The following GABBR2 variants were observed in gnomAD, a reference collection of about 807,000 sequenced individuals.
GABBR2 encodes the protein G-protein coupled receptor 51.
Under a neutral mutation model 105.6 loss-of-function variants are expected in GABBR2, and 23 were observed. That is an observed-to-expected ratio of 0.22 (90% CI 0.16 to 0.31). The LOEUF (loss-of-function observed/expected upper bound fraction) is 0.31. Among genes scored for constraint, GABBR2 ranks in the 10% least tolerant of loss-of-function variants. The probability of loss-of-function intolerance (pLI) is 1.00; values close to 1 mark genes in which losing one functional copy is unlikely to be tolerated. For missense variants in GABBR2, 734 were observed against 1,245.5 expected (o/e 0.59, Z 6.18); for synonymous variants, 478 against 499.7 (o/e 0.96, Z 0.58).
intron 7 of GABBR2, among the ~76,000 whole-genome samples, chr9:98,440,046 C>A (rs111830111): frequency 2.5e-4 from 38 of 152,172 alleles, no homozygotes; most frequent in Non-Finnish European, 4.7e-4. Flanking sequence ...TGCGAATTAC[C>A]CTCCACCATG....
At chr9:98,410,192 A>C (rs1325472194) in intron 7 of GABBR2, among the ~76,000 whole-genome samples, 3 of 151,778 alleles carry the variant, frequency 2.0e-5, no homozygotes, top group Admixed American at 6.5e-5. Flanking sequence ...GTAGAGATAA[A>C]TATCATGACT....
At chr9:98,506,855 C>T (rs1006935444) in intron 3 of GABBR2, among the ~76,000 whole-genome samples, 7 of 152,182 alleles carry the variant, frequency 4.6e-5, no homozygotes, top group Non-Finnish European at 8.8e-5. Flanking sequence ...GGTAGAGCTA[C>T]AGGCCCTCAC....
intron 1 of GABBR2, among the ~76,000 whole-genome samples, chr9:98,592,615 T>C (rs1829162308): frequency 6.6e-6 from 1 of 152,172 alleles, no homozygotes. Flanking sequence ...AATAAGGCCA[T>C]CTCTTTAGAG....
chr9:98,369,416 C>CTTTT (rs1415431630), intron 12 of GABBR2, among the ~76,000 whole-genome samples: 2 of 151,796 alleles, frequency 1.3e-5, no homozygotes, highest in Non-Finnish European at 2.9e-5. Flanking sequence ...GGGTGGGGGG[C>CTTTT]CTGAGGAGTG....
chr9:98,486,861 G>C (rs897784258), intron 4 of GABBR2, among the ~76,000 whole-genome samples: 39 of 152,200 alleles, frequency 2.6e-4, no homozygotes, highest in African/African-American at 7.5e-4. Context: ...TCCTGGCTCT[G>C]ACAAACTGAT....
intron 3 of GABBR2, among the ~76,000 whole-genome samples, chr9:98,512,769 T>C (rs1213414841): frequency 6.6e-6 from 1 of 152,158 alleles, no homozygotes; most frequent in Non-Finnish European, 1.5e-5. Context: ...TACAAACAAA[T>C]GGAAGAACAT....
chr9:98,297,796 C>T (rs1012822958), intron 17 of GABBR2, among the ~76,000 whole-genome samples: 1 of 147,364 alleles, frequency 6.8e-6, no homozygotes, highest in Non-Finnish European at 1.5e-5. Flanking sequence ...CTGAGGCAGG[C>T]GAATCACTTG....
chr9:98,519,002 C>T (rs1213084813), intron 3 of GABBR2, among the ~76,000 whole-genome samples: 1 of 152,180 alleles, frequency 6.6e-6, no homozygotes, highest in African/African-American at 2.4e-5. Flanking sequence ...TATCTTCTTA[C>T]GAGCAGTACT....
At chr9:98,609,464 C>A (rs1483959659) in intron 1 of GABBR2, among the ~76,000 whole-genome samples, 1 of 152,176 alleles carries the variant, frequency 6.6e-6, no homozygotes, top group East Asian at 1.9e-4. Flanking sequence ...AAGTGAACGT[C>A]GGGGAGGAGT....
intron 6 of GABBR2, among the ~76,000 whole-genome samples, chr9:98,463,012 C>T (rs1274227162): frequency 1.3e-5 from 2 of 152,178 alleles, no homozygotes; most frequent in Non-Finnish European, 2.9e-5. Flanking sequence ...CCTCAGCCTC[C>T]CAAGTAGCTG....
At chr9:98,605,606 A>ATACCCTGGC (rs1156589017) in intron 1 of GABBR2, among the ~76,000 whole-genome samples, 1 of 152,136 alleles carries the variant, frequency 6.6e-6, no homozygotes, top group African/African-American at 2.4e-5. Context: ...GGGCTATGGC[A>ATACCCTGGC]AGGAGTGCCT....
rs769860025 is a variant in GABBR2 at position 98,473,332 on chromosome 9, G to A, written c.813C>T (p.Asn271=). The A allele has an allele frequency of 1.2e-6, 2 of 1,611,056 alleles. No homozygotes were observed. The highest frequency in any genetic ancestry group is 2.2e-5 in the East Asian group (1 of 44,848). ...TCCACTGATATTTACTACCATACAT[G>A]TTCTCCTCGTATGCCTGTAAAAGAT... ...AKVFCCAYEE[N]MYGSKYQWII... is the part of the protein sequence containing the mutation. Residue 271 remains asparagine, a synonymous_variant, in exon 6 of 19, where the codon AAC becomes AAT. Coordinates refer to ENST00000259455, the MANE Select transcript of GABBR2 (RefSeq NM_005458.8).
chr9:98,622,679 C>T (rs1264783082), intron 1 of GABBR2, among the ~76,000 whole-genome samples: 2 of 152,318 alleles, frequency 1.3e-5, no homozygotes, highest in African/African-American at 2.4e-5. Flanking sequence ...AGCCAAAGTC[C>T]TTGCAGTGCC....
At chr9:98,665,975 G>A (rs1564145781) in intron 1 of GABBR2, among the ~76,000 whole-genome samples, 1 of 152,238 alleles carries the variant, frequency 6.6e-6, no homozygotes, top group Non-Finnish European at 1.5e-5. Context: ...GCCTTAGCCA[G>A]CACCACTGTC....
At chr9:98,474,363 G>A (rs1309849625) in intron 5 of GABBR2, among the ~76,000 whole-genome samples, 1 of 152,040 alleles carries the variant, frequency 6.6e-6, no homozygotes, top group African/African-American at 2.4e-5. Context: ...GAAAATCATG[G>A]TTTTTGATAG....
intron 7 of GABBR2, among the ~76,000 whole-genome samples, chr9:98,409,939 C>G (rs947989924): frequency 5.3e-5 from 8 of 152,162 alleles, no homozygotes; most frequent in Admixed American, 5.2e-4. Flanking sequence ...TCTCAGACAC[C>G]CTGTCATCAA....
At chr9:98,585,376 C>T (rs4620400) in intron 1 of GABBR2, among the ~76,000 whole-genome samples, 32,610 of 147,574 alleles carry the variant, frequency 0.22, 4,221 homozygotes, top group East Asian at 0.54. Context: ...TCATTCTCAG[C>T]AAACTATCGC....
intron 17 of GABBR2, among the ~76,000 whole-genome samples, chr9:98,295,448 G>A (rs1485444004): frequency 1.3e-5 from 2 of 152,182 alleles, no homozygotes; most frequent in African/African-American, 4.8e-5. Context: ...AAATACATGA[G>A]TTAGATAAGC....
chr9:98,394,886 A>G (rs75915685), intron 8 of GABBR2, among the ~76,000 whole-genome samples: 16 of 152,246 alleles, frequency 1.1e-4, no homozygotes, highest in Middle Eastern at 3.4e-3. Context: ...TGGAGTTCAC[A>G]TTGCTATTAT....
Sources: gnomAD v4.1 joint callset for allele counts (sites outside exome capture counted in the v4.1 genomes callset) on GRCh38, gnomAD v4.1.1 for gene constraint, MANE v1.5 for transcripts, NCBI Gene and HGNC (gene_info 2026-07-23, HGNC 2026-07-21) for gene names.